The following RBKS variants were observed in gnomAD, a reference collection of about 807,000 sequenced individuals.
RBKS encodes ribokinase.
In RBKS, 33 loss-of-function variants were observed where a neutral mutation model predicts 33.9. The observed-to-expected ratio is 0.97, with a 90% CI of 0.74 to 1.30. The LOEUF is 1.30. Among genes scored for constraint, RBKS ranks in the 50% most tolerant of loss-of-function variants. The pLI is 0.00. For missense variants in RBKS, 361 were observed against 392.6 expected (o/e 0.92, Z 0.68); for synonymous variants, 125 against 143.0 (o/e 0.87, Z 0.90).
chr2:27,791,647 AT>A (rs1677526688), intron 7 of RBKS, among the ~76,000 whole-genome samples: 3 of 30,866 alleles, frequency 9.7e-5, no homozygotes, highest in Admixed American at 7.4e-4. Context: ...CACACACTAA[AT>A]ATACATATAC....
intron 7 of RBKS, among the ~76,000 whole-genome samples, chr2:27,785,111 GTAAAA>G (rs1204709538): frequency 6.6e-6 from 1 of 151,886 alleles, no homozygotes; most frequent in African/African-American, 2.4e-5. Context: ...AAACAAAACA[GTAAAA>G]TAATAAGATG....
At chr2:27,858,822 C>T (rs1663916128) in intron 1 of RBKS, among the ~76,000 whole-genome samples, 1 of 152,170 alleles carries the variant, frequency 6.6e-6, no homozygotes, top group South Asian at 2.1e-4. Flanking sequence ...TAGTGTTGTA[C>T]TGCATCAGGG....
chr2:27,783,665 C>T (rs930140359), intron 7 of RBKS, among the ~76,000 whole-genome samples: 3 of 151,994 alleles, frequency 2.0e-5, no homozygotes, highest in Non-Finnish European at 2.9e-5. Flanking sequence ...CCCAGCACTT[C>T]GGGAGGCCGA....
chr2:27,790,050 G>T (rs533198374), intron 7 of RBKS, among the ~76,000 whole-genome samples: 1 of 149,182 alleles, frequency 6.7e-6, no homozygotes, highest in African/African-American at 2.5e-5. Flanking sequence ...GGCTGGTCTT[G>T]AACTCCTAGG....
At chr2:27,801,464 T>TACACACACACACACACACACAC (rs56063622) in intron 7 of RBKS, among the ~76,000 whole-genome samples, 2 of 136,260 alleles carry the variant, frequency 1.5e-5, no homozygotes, top group African/African-American at 5.6e-5. Context: ...GGCCACAGTA[T>TACACACACACACACACACACAC]ACACACACAC....
intron 1 of RBKS, chr2:27,870,929 G>C (rs1664197196): frequency 2.2e-6 from 1 of 456,536 alleles, no homozygotes; most frequent in South Asian, 1.5e-5. Context: ...TTGTTGCCTT[G>C]TCAACATCGG....
intron 7 of RBKS, among the ~76,000 whole-genome samples, chr2:27,815,903 C>T (rs1211771930): frequency 2.0e-5 from 3 of 152,150 alleles, no homozygotes; most frequent in Non-Finnish European, 4.4e-5. Flanking sequence ...ACAATGGTTC[C>T]TTTTCTGTAC....
chr2:27,784,887 G>A (rs935686358), intron 7 of RBKS, among the ~76,000 whole-genome samples: 25 of 152,170 alleles, frequency 1.6e-4, no homozygotes, highest in African/African-American at 5.8e-4. Flanking sequence ...GAAAGAGACA[G>A]ACATGGTTCC....
chr2:27,876,290 T>C (rs1372593933), intron 1 of RBKS, among the ~76,000 whole-genome samples: 1 of 152,166 alleles, frequency 6.6e-6, no homozygotes. Context: ...AATGGAGTAT[T>C]TTTCAGCCTT....
intron 6 of RBKS, 138 bp from the exon 7 acceptor site, chr2:27,827,893 C>T: frequency 1.5e-6 from 1 of 652,366 alleles, no homozygotes; most frequent in Non-Finnish European, 2.4e-6. Context: ...GATACTGGTA[C>T]AGGAAAATAA....
At chr2:27,808,627 G>A (rs1677935317) in intron 7 of RBKS, among the ~76,000 whole-genome samples, 1 of 152,208 alleles carries the variant, frequency 6.6e-6, no homozygotes, top group African/African-American at 2.4e-5. Flanking sequence ...CCACTGGCTG[G>A]CTCCATCTGG....
Position 27,827,624 on chromosome 2 carries a change from C to G in RBKS, c.738G>C (p.Gln246His). The G allele has an allele frequency of 6.2e-7, 1 of 1,613,016 alleles. No homozygotes were observed. The highest frequency in any genetic ancestry group is 8.5e-7 in the Non-Finnish European group (1 of 1,179,610). ...GAATGTGCTTTGGCTCAGGTTCTGT[C>G]TGTGACAGCACCACACATCCTTCAG... is the stretch of plus-strand genomic sequence containing the variant. Reference protein sequence around the residue: ...LGAEGCVVLSQTEPEPKHIPT... With the variant: ...LGAEGCVVLSHTEPEPKHIPT... Residue 246 changes from glutamine (Q) to histidine (H), a missense_variant, in exon 7 of 8, where the codon CAG (glutamine) becomes CAC (histidine). By Grantham distance (24) the Gln-to-His change is conservative. Coordinates refer to ENST00000302188, the MANE Select transcript of RBKS (RefSeq NM_022128.3).
intron 7 of RBKS, among the ~76,000 whole-genome samples, chr2:27,799,456 C>T (rs1352093189): frequency 3.9e-5 from 6 of 152,118 alleles, no homozygotes; most frequent in African/African-American, 1.4e-4. Flanking sequence ...CAAGTAGATG[C>T]CACTTTCTTC....
chr2:27,816,580 T>C (rs1325880386), intron 7 of RBKS, among the ~76,000 whole-genome samples: 1 of 152,154 alleles, frequency 6.6e-6, no homozygotes, highest in Non-Finnish European at 1.5e-5. Context: ...TGTATGACTG[T>C]AGGTAAAACA....
intron 7 of RBKS, among the ~76,000 whole-genome samples, chr2:27,783,656 C>T (rs1276951679): frequency 2.6e-5 from 4 of 152,080 alleles, no homozygotes; most frequent in Admixed American, 2.6e-4. Flanking sequence ...GCCTGTAATC[C>T]CAGCACTTCG....
chr2:27,847,860 T>C (rs1297468330), intron 3 of RBKS, among the ~76,000 whole-genome samples, 174 bp downstream of exon 3: 2 of 152,230 alleles, frequency 1.3e-5, no homozygotes, highest in Non-Finnish European at 2.9e-5. Flanking sequence ...TGGAGGAATG[T>C]ACAGGGAAGA....
chr2:27,820,781 C>T (rs904847139), intron 7 of RBKS, among the ~76,000 whole-genome samples: 24 of 152,136 alleles, frequency 1.6e-4, no homozygotes, highest in Non-Finnish European at 2.5e-4. Context: ...TGGTGGCTCA[C>T]GCCTATAATT....
intron 7 of RBKS, among the ~76,000 whole-genome samples, chr2:27,816,718 C>T (rs539244040): frequency 1.3e-5 from 2 of 152,194 alleles, no homozygotes; most frequent in Admixed American, 1.3e-4. Flanking sequence ...CTGCCTCAGC[C>T]TCCCGAGTAG....
chr2:27,803,032 G>A (rs940615845), intron 7 of RBKS, among the ~76,000 whole-genome samples: 1 of 151,972 alleles, frequency 6.6e-6, no homozygotes, highest in African/African-American at 2.4e-5. Context: ...GTCTCTCTTT[G>A]TTGCCCAGGC....
Sources: gnomAD v4.1 joint callset for allele counts (sites outside exome capture counted in the v4.1 genomes callset) on GRCh38, gnomAD v4.1.1 for gene constraint, MANE v1.5 for transcripts, NCBI Gene and HGNC (gene_info 2026-07-23, HGNC 2026-07-21) for gene names.